Variants in ATG12 observed in about 807,000 individuals in gnomAD.
ATG12 encodes ubiquitin-like protein ATG12.
Under a neutral mutation model 17.6 loss-of-function variants are expected in ATG12, and 19 were observed. The ratio of observed to expected loss-of-function variants is 1.08; its 90% CI spans 0.75 to 1.58. The LOEUF is 1.58. ATG12 is among the 40% of genes most tolerant of loss of function. The probability of loss-of-function intolerance (pLI) is 0.00; values close to 1 mark genes in which losing one functional copy is unlikely to be tolerated. For missense variants in ATG12, 214 were observed against 162.0 expected, an observed-to-expected ratio of 1.32 and a Z score of -1.74; for synonymous variants, 75 against 62.4, an observed-to-expected ratio of 1.20 and a Z score of -0.95.
chr5:115,829,656 A>C lies in ATG12; in HGVS notation c.*2148T>G, dbSNP rs1580560035. Reference sequence around the variant, plus strand: ...AATGTTCAGTTTTTCCCCCAAGTTTAATCAGACTTGAGAGTTTAAATTAAA... The same window carrying C: ...AATGTTCAGTTTTTCCCCCAAGTTTCATCAGACTTGAGAGTTTAAATTAAA... On this transcript the variant is annotated 3_prime_UTR_variant, in exon 4 of 4. Coordinates refer to ENST00000509910, the MANE Select transcript of ATG12 (RefSeq NM_004707.4). 4 of 152,318 alleles carry C rather than the reference A, an allele frequency of 2.6e-5. No individual in the cohort carries two copies. In the South Asian group the frequency reaches 8.3e-4, roughly 32 times the overall value. 9.4% of individuals were successfully genotyped at this position (152,318 alleles called of 1,614,324 possible). A position where few individuals can be genotyped will look rare whatever the true frequency, so the allele number is the denominator to read the frequency against.
chr5:115,831,931 A>T, intron 3 of ATG12, 68 bp from the exon 4 acceptor site: 2 of 1,422,686 alleles, frequency 1.4e-6, no homozygotes, highest in South Asian at 1.2e-5. Flanking sequence ...TAAGAAGATA[A>T]ATGCCACATG....
chr5:115,841,214 A>G (rs1761445113), intron 1 of ATG12, 176 bp downstream of exon 1: 1 of 771,144 alleles, frequency 1.3e-6, no homozygotes, highest in Non-Finnish European at 2.1e-6. Context: ...TGGTATTTTA[A>G]CACTCAACTT....
At chr5:115,839,414 T>C (rs979782693) in intron 1 of ATG12, 3 of 152,160 alleles carry the variant, frequency 2.0e-5, no homozygotes, top group Non-Finnish European at 4.4e-5. Context: ...GGATTTTAGT[T>C]AGCCTATCTT....
Position 115,829,927 on chromosome 5 carries a change from C to G in ATG12, c.*1877G>C, listed in dbSNP as rs1760795458. 6.6e-6 allele frequency: 1 copy of G among 151,986 alleles called. No individual in the cohort carries two copies. 9.4% of individuals were successfully genotyped at this position (151,986 alleles called of 1,614,324 possible). A position where few individuals can be genotyped will look rare whatever the true frequency, so the allele number is the denominator to read the frequency against. ...GTCAGGAGTTTGAGACCAGCCTGGC[C>G]AAAATGGTAAAACCCTGTCTCCACT... On this transcript the variant is annotated 3_prime_UTR_variant, in exon 4 of 4. Coordinates refer to ENST00000509910, the MANE Select transcript of ATG12 (RefSeq NM_004707.4).
chr5:115,833,237 T>C (rs907432526), intron 2 of ATG12: 1 of 152,176 alleles, frequency 6.6e-6, no homozygotes, highest in Non-Finnish European at 1.5e-5. Flanking sequence ...TACTAAAATA[T>C]TTCTAGTACT....
chr5:115,840,605 A>C (rs896488300), intron 1 of ATG12: 1 of 1,279,970 alleles, frequency 7.8e-7, no homozygotes, highest in African/African-American at 1.5e-5. Flanking sequence ...GCCAGAGACC[A>C]CTGTCATCTT....
rs796093526 is a variant in ATG12, at chr5:115,831,984, C to T, written c.364-121G>A. The T allele has an allele frequency of 1.0e-4, 88 of 861,446 alleles. 1 individual carries two copies. The South Asian group carries it at 1.2e-3, about 12-fold the overall frequency. The allele number at this position is 861,446 out of a possible 1,614,324, so 53.4% of individuals were successfully genotyped here. A position where few individuals can be genotyped will look rare whatever the true frequency, so the allele number is the denominator to read the frequency against. ...CACGTATATTAAGTTACCTATGTTA[C>T]AGGCTATCTCTTTCAAAGGATGCCT... On this transcript the variant is annotated intron_variant, in intron 3 of 3. Transcript: ENST00000509910.
At chr5:115,839,910 A>G (rs1761270638) in intron 1 of ATG12, among the ~76,000 whole-genome samples, 1 of 152,358 alleles carries the variant, frequency 6.6e-6, no homozygotes, top group South Asian at 2.1e-4. Context: ...TCCTTAAATG[A>G]CAGTTCAATT....
chr5:115,840,658 C>T (rs1415543653), intron 1 of ATG12: 55 of 1,234,580 alleles, frequency 4.5e-5, no homozygotes, highest in Non-Finnish European at 5.4e-5. Context: ...ATCAGCCTCT[C>T]TGAATCGAGG....
rs35310189 is a variant in ATG12 at position 115,832,571 on chromosome 5, CTTTTTTTTTTTTT to C, written c.363+18_363+30del. The C allele has an allele frequency of 1.5e-4, 117 of 802,418 alleles. 1 individual carries two copies. Among genetic ancestry groups the C allele is most frequent in the East Asian group, 6.6e-4 (10 of 15,256 alleles). The allele number at this position is 802,418 out of a possible 1,614,324, so 49.7% of individuals were successfully genotyped here. A position where few individuals can be genotyped will look rare whatever the true frequency, so the allele number is the denominator to read the frequency against. Reference sequence around the variant, plus strand: ...AAGAAAAAAAAGCAGTAATTTCTTTCTTTTTTTTTTTTTTTTTTTTTTTTTTTTACCTCATAGA... The same window carrying C: ...AAGAAAAAAAAGCAGTAATTTCTTTCTTTTTTTTTTTTTTTACCTCATAGA... On this transcript the variant is annotated intron_variant, in intron 3 of 3. Coordinates refer to ENST00000509910, the MANE Select transcript of ATG12 (RefSeq NM_004707.4).
rs749547129 is a variant in ATG12 at position 115,841,484 on chromosome 5, CG to C, written c.68del (p.Thr23ArgfsTer37). Reference sequence around the variant, plus strand: ...GGGTGGTTGTTTCTGGGGAGACATCCGTAAGTCCTTCCCCTCCAGCAGCAAT... The same window carrying C: ...GGGTGGTTGTTTCTGGGGAGACATCCTAAGTCCTTCCCCTCCAGCAGCAAT... ...TSIAAGGEGLTDVSPETTTPE... is the reference protein window; with the variant it reads ...TSIAAGGEGLXDVSPETTTPE... On this transcript the variant is annotated frameshift_variant, in exon 1 of 4. Coordinates refer to ENST00000509910, the MANE Select transcript of ATG12 (RefSeq NM_004707.4). LOFTEE classifies it high-confidence loss of function. 7.4e-6 allele frequency: 12 copies of C among 1,611,630 alleles called. No homozygotes were observed. The highest frequency in any genetic ancestry group is 2.2e-5 in the East Asian group (1 of 44,858).
chr5:115,841,559 T>G lies in ATG12; in HGVS notation c.-7A>C. The stretch of plus-strand genomic sequence containing the variant: ...ACTGCGGCTCCTCCGCCATCTTGCT[T>G]GGAGACACTCGAGAGCGGAAGTAGC... On this transcript the variant is annotated 5_prime_UTR_variant, in exon 1 of 4. Coordinates refer to ENST00000509910, the MANE Select transcript of ATG12 (RefSeq NM_004707.4). 2.5e-6 allele frequency: 4 copies of G among 1,614,032 alleles called. No homozygotes were observed. The highest frequency in any genetic ancestry group is 3.4e-6 in the Non-Finnish European group (4 of 1,179,978).
intron 2 of ATG12, among the ~76,000 whole-genome samples, chr5:115,836,651 C>A (rs949124952): frequency 2.0e-4 from 30 of 152,084 alleles, no homozygotes; most frequent in Non-Finnish European, 1.6e-4. Context: ...CCCCAGTGCC[C>A]CCAAAAATTC....
At chr5:115,835,085 ATTTTC>A (rs539907096) in intron 2 of ATG12, 199 of 151,890 alleles carry the variant, frequency 1.3e-3, no homozygotes, top group African/African-American at 2.5e-3. Flanking sequence ...TTCTGAAATA[ATTTTC>A]TTTTATTTCT....
At chr5:115,837,483 GAATA>G in intron 2 of ATG12, 141 bp downstream of exon 2, 8 of 837,436 alleles carry the variant, frequency 9.6e-6, no homozygotes, top group Non-Finnish European at 1.5e-5. Context: ...AAAAAAAAAT[GAATA>G]AATAAAAATA....
At position 115,829,116 on chromosome 5, in the gene ATG12, T is replaced by C. The variant is rs1261635678; in HGVS notation, c.*2688A>G. ...AAATACGATTTGAACTGTATTCAAA[T>C]AGTAGTATTTGCTGAACTGTTTTCT... On this transcript the variant is annotated 3_prime_UTR_variant, in exon 4 of 4. Transcript: ENST00000509910. The C allele has an allele frequency of 6.6e-6, 1 of 152,226 alleles. No individual in the cohort carries two copies. The highest frequency in any genetic ancestry group is 2.4e-5 in the African/African-American group (1 of 41,466). The allele number at this position is 152,226 out of a possible 1,614,324, so 9.4% of individuals were successfully genotyped here.
intron 1 of ATG12, chr5:115,839,197 A>G (rs950677666): frequency 6.6e-6 from 1 of 151,820 alleles, no homozygotes; most frequent in Admixed American, 6.6e-5. Context: ...GCTGCCCCCT[A>G]AAGTTAACTC....
chr5:115,841,377 T>C lies in ATG12; in HGVS notation c.163+13A>G, dbSNP rs368109547. 46 of 1,610,518 alleles carry C rather than the reference T, an allele frequency of 2.9e-5. No homozygotes were observed. In the Middle Eastern group the frequency reaches 9.8e-4, roughly 34 times the overall value. On this transcript the variant is annotated intron_variant, in intron 1 of 3. Coordinates refer to ENST00000509910, the MANE Select transcript of ATG12 (RefSeq NM_004707.4). ...AACCTCCCGCCTCTCTGCCCGGAAA[T>C]AAATTCAGTTACTTTTTTTCTTGGT...
chr5:115,839,343 A>G (rs1289357936), intron 1 of ATG12: 1 of 149,758 alleles, frequency 6.7e-6, no homozygotes, highest in Admixed American at 6.6e-5. Context: ...CTACTAAAGA[A>G]CTACTTAATT....
Sources: gnomAD v4.1 joint callset for allele counts (sites outside exome capture counted in the v4.1 genomes callset) on GRCh38, gnomAD v4.1.1 for gene constraint, MANE v1.5 for transcripts, NCBI Gene and HGNC (gene_info 2026-07-23, HGNC 2026-07-21) for gene names.